HIVEP3: variants seen among roughly 807,000 people sequenced by gnomAD.
HIVEP3 encodes the protein transcription factor HIVEP3.
A neutral mutation model predicts 152.8 loss-of-function variants in HIVEP3; 49 were observed. The observed-to-expected ratio is 0.32, with a 90% confidence interval of 0.26 to 0.41. The LOEUF is 0.41. HIVEP3 is among the 10% of genes least tolerant of loss of function. HIVEP3 has a pLI of 1.00. For synonymous variants in HIVEP3, 1,269 were observed against 1,289.0 expected (o/e 0.98, Z 0.33); for missense variants, 2,790 against 3,103.3 (o/e 0.90, Z 2.40).
At chr1:41,769,129 A>C (rs967880415) in intron 1 of HIVEP3, among the ~76,000 whole-genome samples, 3 of 152,348 alleles carry the variant, frequency 2.0e-5, no homozygotes, top group African/African-American at 7.2e-5. Flanking sequence ...TTTTGTAGCA[A>C]GAATCATTTC....
At chr1:41,770,406 G>A (rs888576150) in intron 1 of HIVEP3, among the ~76,000 whole-genome samples, 22 of 152,032 alleles carry the variant, frequency 1.4e-4, no homozygotes, top group Admixed American at 1.3e-4. Flanking sequence ...GTGGAGCTTC[G>A]TTCCCCTGCT....
At chr1:41,733,367 A>G (rs1646870738) in intron 1 of HIVEP3, among the ~76,000 whole-genome samples, 1 of 152,224 alleles carries the variant, frequency 6.6e-6, no homozygotes, top group Non-Finnish European at 1.5e-5. Flanking sequence ...AGACAGCTTG[A>G]CAATGGAGGA....
chr1:41,526,314 C>T (rs553632850), intron 5 of HIVEP3, among the ~76,000 whole-genome samples: 200 of 147,802 alleles, frequency 1.4e-3, no homozygotes, highest in African/African-American at 4.2e-3. Flanking sequence ...CACCCTCACA[C>T]GCTCACCCTC....
At chr1:42,032,626 A>G (rs1342876333) in intron 1 of HIVEP3, among the ~76,000 whole-genome samples, 1 of 151,910 alleles carries the variant, frequency 6.6e-6, no homozygotes, top group African/African-American at 2.4e-5. Context: ...GGGCTCTCCC[A>G]AGCCTCCATC....
chr1:41,724,540 C>T (rs1353631868), intron 1 of HIVEP3, among the ~76,000 whole-genome samples: 3 of 152,228 alleles, frequency 2.0e-5, no homozygotes, highest in Non-Finnish European at 4.4e-5. Context: ...GCAGGAGGTT[C>T]CTGCACATCT....
Position 41,822,840 on chromosome 1 carries a change from G to A in HIVEP3, c.-801+95573C>T, listed in dbSNP as rs190321830. On this transcript the variant is annotated intron_variant, in intron 1 of 8. Transcript: ENST00000372583. ...ATGGCTGTTGACAGCTGCAGAATGC[G>A]GCAGGGACCCATCCTTAGTTTCAGC... Among the ~76,000 whole-genome samples, 116 of 152,262 alleles carry A rather than the reference G, an allele frequency of 7.6e-4. No homozygotes were observed. The Middle Eastern group carries it at 0.014, about 18-fold the overall frequency.
chr1:41,983,441 C>T (rs533826954), intron 1 of HIVEP3, among the ~76,000 whole-genome samples: 2 of 152,190 alleles, frequency 1.3e-5, no homozygotes, highest in South Asian at 2.1e-4. Flanking sequence ...TCCTTATGTG[C>T]AGGCAGACAC....
Position 42,020,600 on chromosome 1 carries a change from T to C in HIVEP3, n.119+15207A>G, listed in dbSNP as rs531930774. On this transcript the variant is annotated intron_variant and non_coding_transcript_variant, in intron 1 of 3. Coordinates refer to the HIVEP3 transcript ENST00000489103. ...ATAATAAATCTCTTACAAAATGATATGCTGTGCTACCTCTATCATATAAAA... is the reference window on the plus strand; with the variant it reads ...ATAATAAATCTCTTACAAAATGATACGCTGTGCTACCTCTATCATATAAAA... 9.0e-4 allele frequency among the ~76,000 whole-genome samples: 137 copies of C among 152,310 alleles called. 2 individuals are homozygous for C. Among genetic ancestry groups the C allele is most frequent in the Admixed American group, 3.2e-3 (49 of 15,284 alleles).
At chr1:41,863,865 G>C (rs953912993) in intron 1 of HIVEP3, among the ~76,000 whole-genome samples, 5 of 152,192 alleles carry the variant, frequency 3.3e-5, no homozygotes. Flanking sequence ...TAAAATTTAC[G>C]ATTGTGAGAG....
At chr1:41,782,823 A>AC (rs1649129912) in intron 1 of HIVEP3, among the ~76,000 whole-genome samples, 1 of 152,162 alleles carries the variant, frequency 6.6e-6, no homozygotes, top group Non-Finnish European at 1.5e-5. Context: ...TTAAGACCAC[A>AC]ATATAATGAA....
chr1:41,833,657 T>C (rs534538072), intron 1 of HIVEP3, among the ~76,000 whole-genome samples: 24 of 152,264 alleles, frequency 1.6e-4, no homozygotes, highest in African/African-American at 5.5e-4. Flanking sequence ...GAGCTGGACA[T>C]GGCTCCAGAG....
At chr1:41,786,067 A>G (rs1002868359) in intron 1 of HIVEP3, among the ~76,000 whole-genome samples, 1 of 152,208 alleles carries the variant, frequency 6.6e-6, no homozygotes, top group Admixed American at 6.5e-5. Context: ...GGAAAAAAAG[A>G]CAGCATGCGA....
At position 41,562,565 on chromosome 1, in the gene HIVEP3, C is replaced by CT. The variant is rs1262058393; in HGVS notation, c.5207+12978dup. On this transcript the variant is annotated intron_variant, in intron 5 of 8. Transcript: ENST00000372583. ...TCCTTCCTTCCTTCCTTCTTTCCTT[C>CT]TTTCCTTCTTTTCCTTCCTTCCTTC... Among the ~76,000 whole-genome samples the CT allele has an allele frequency of 4.0e-5, 6 of 149,946 alleles. No homozygotes were observed. The East Asian group carries it at 7.8e-4, about 20-fold the overall frequency.
upstream of HIVEP3, among the ~76,000 whole-genome samples, chr1:41,921,314 C>T (rs755185043): frequency 6.6e-5 from 10 of 152,156 alleles, no homozygotes; most frequent in Admixed American, 3.9e-4. Flanking sequence ...AATTGTAGTT[C>T]CCATAATCCC....
chr1:41,765,047 C>T (rs1647925927), intron 1 of HIVEP3, among the ~76,000 whole-genome samples: 1 of 152,230 alleles, frequency 6.6e-6, no homozygotes, highest in Non-Finnish European at 1.5e-5. Flanking sequence ...TCAGAGTGCA[C>T]AGCACCATGA....
intron 1 of HIVEP3, among the ~76,000 whole-genome samples, chr1:42,025,014 C>A (rs1645574409): frequency 6.6e-6 from 1 of 152,190 alleles, no homozygotes; most frequent in African/African-American, 2.4e-5. Flanking sequence ...AGAATTTTCT[C>A]TTTGCCTTCA....
In HIVEP3 at chr1:41,704,894, A is replaced by G. The variant is rs538133533; in HGVS notation, c.-800-3899T>C. 1.4e-4 allele frequency among the ~76,000 whole-genome samples: 21 copies of G among 152,348 alleles called. No individual in the cohort carries two copies. In the South Asian group the frequency reaches 3.7e-3, roughly 27 times the overall value. On this transcript the variant is annotated intron_variant, in intron 1 of 8. Coordinates refer to ENST00000372583, the MANE Select transcript of HIVEP3 (RefSeq NM_024503.5). The stretch of plus-strand genomic sequence containing the variant: ...GTTCCATGCATTCATTCATCCATCA[A>G]TTATTATTTTAGAGCCTACCTTATG...
intron 1 of HIVEP3, among the ~76,000 whole-genome samples, chr1:41,704,369 T>C (rs1416458420): frequency 6.6e-6 from 1 of 152,236 alleles, no homozygotes; most frequent in Non-Finnish European, 1.5e-5. Flanking sequence ...AACTGGGCTC[T>C]GTGGAGGCGA....
At chr1:41,638,891 G>A (rs1645328720) in intron 2 of HIVEP3, among the ~76,000 whole-genome samples, 1 of 152,256 alleles carries the variant, frequency 6.6e-6, no homozygotes, top group Admixed American at 6.5e-5. Context: ...GCCTCACTGG[G>A]TCATAACAGC....
Sources: allele counts gnomAD v4.1 joint callset (sites outside exome capture counted in the v4.1 genomes callset), GRCh38; gene constraint gnomAD v4.1.1; transcripts MANE v1.5; gene names NCBI Gene and HGNC (gene_info 2026-07-23, HGNC 2026-07-21).